Variants in DCP1A observed in about 807,000 individuals in gnomAD.
The protein encoded by DCP1A is mRNA-decapping enzyme 1A.
Under a neutral mutation model 58.0 loss-of-function variants are expected in DCP1A, and 20 were observed. That is an observed-to-expected ratio of 0.34 (90% CI 0.24 to 0.50). The LOEUF is 0.50. DCP1A is among the 20% of genes least tolerant of loss of function. The probability of loss-of-function intolerance (pLI) is 0.98; values close to 1 mark genes in which losing one functional copy is unlikely to be tolerated. For missense variants in DCP1A, 613 were observed against 712.2 expected (o/e 0.86, Z 1.59); for synonymous variants, 285 against 275.1 (o/e 1.04, Z -0.36).
rs1575623491 is a variant in DCP1A at position 53,340,325 on chromosome 3, C to CTA, written c.304+1817_304+1818dup. ...TAAATAAATCCATCTGAACTTACAG[C>CTA]TATTACAAAGCATGTCTAATATGTC... is the stretch of plus-strand genomic sequence containing the variant. On this transcript the variant is annotated intron_variant, in intron 3 of 9. Coordinates refer to ENST00000610213, the MANE Select transcript of DCP1A (RefSeq NM_018403.7). Among the ~76,000 whole-genome samples, 4 of 152,264 alleles carry CTA rather than the reference C, an allele frequency of 2.6e-5. No individual in the cohort carries two copies. In the East Asian group the frequency reaches 7.7e-4, roughly 29 times the overall value.
At chr3:53,320,783 C>A (rs1707942090) in intron 3 of DCP1A, among the ~76,000 whole-genome samples, 1 of 152,188 alleles carries the variant, frequency 6.6e-6, no homozygotes. Flanking sequence ...TCTGGCCCCT[C>A]CCGTCCCTGA....
At chr3:53,298,070 T>C (rs558405072) in intron 6 of DCP1A, among the ~76,000 whole-genome samples, 1 of 152,150 alleles carries the variant, frequency 6.6e-6, no homozygotes, top group Non-Finnish European at 1.5e-5. Context: ...ATTTAAAAAT[T>C]AGCTGCACAA....
chr3:53,332,485 T>C (rs1553691417), intron 3 of DCP1A, among the ~76,000 whole-genome samples: 1 of 152,246 alleles, frequency 6.6e-6, no homozygotes, highest in Non-Finnish European at 1.5e-5. Context: ...TTTTTATTCC[T>C]AATACTGCAT....
Position 53,315,756 on chromosome 3 carries a change from TG to T in DCP1A, c.372-3378del, listed in dbSNP as rs1220381862. Among the ~76,000 whole-genome samples, 349 of 109,254 alleles carry T rather than the reference TG, an allele frequency of 3.2e-3. 42 individuals are homozygous for T. Among genetic ancestry groups the T allele is most frequent in the African/African-American group, 7.8e-3 (198 of 25,506 alleles). The allele number at this position is 109,254 out of a possible 152,430, so 71.7% of individuals were successfully genotyped here. On this transcript the variant is annotated intron_variant, in intron 4 of 9. Transcript: ENST00000610213. The stretch of plus-strand genomic sequence containing the variant: ...AAATCAGTTTGTTGTTTTTTTTTTT[TG>T]TTTTTTTTTTTTTTGAGACGGAGTC...
chr3:53,337,855 A>C (rs2089142573), intron 3 of DCP1A, among the ~76,000 whole-genome samples: 1 of 152,248 alleles, frequency 6.6e-6, no homozygotes, highest in African/African-American at 2.4e-5. Flanking sequence ...CTAATATATT[A>C]AATTAAATAA....
chr3:53,299,956 C>T (rs889469853), intron 6 of DCP1A, among the ~76,000 whole-genome samples: 6 of 152,218 alleles, frequency 3.9e-5, no homozygotes, highest in Admixed American at 6.5e-5. Context: ...CAACCTCCCC[C>T]TCCTGGGTTC....
chr3:53,305,800 G>GT (rs1205780440), intron 5 of DCP1A, among the ~76,000 whole-genome samples: 2 of 151,594 alleles, frequency 1.3e-5, no homozygotes, highest in African/African-American at 2.4e-5. Context: ...ATTAGGTTAG[G>GT]TTTTTTTTGT....
chr3:53,315,841 C>A (rs573952750), intron 4 of DCP1A, among the ~76,000 whole-genome samples: 8 of 148,244 alleles, frequency 5.4e-5, no homozygotes, highest in Non-Finnish European at 1.0e-4. Flanking sequence ...GAAAGCTCCG[C>A]TTCCCGGGTT....
Position 53,347,446 on chromosome 3 carries a change from G to A in DCP1A, c.72C>T (p.Thr24=). 6.2e-7 allele frequency: 1 copy of A among 1,613,702 alleles called. No homozygotes were observed. The highest frequency in any genetic ancestry group is 1.3e-5 in the African/African-American group (1 of 75,040). The change falls in exon 1 of 10, where the codon ACC becomes ACT. Residue 24 remains threonine (T), a synonymous_variant. Transcript: ENST00000610213. The stretch of plus-strand genomic sequence containing the variant: ...CCTGGCCCGTGAGGTCTGCGATGCT[G>A]GTGATATAGGGGTCGTGTTGCTTCA... ...AALKQHDPYI[T]SIADLTGQVA...
At position 53,304,414 on chromosome 3, in the gene DCP1A, C is replaced by T. The variant is rs898937117; in HGVS notation, c.511-124G>A. The T allele has an allele frequency of 1.4e-4, 93 of 654,704 alleles. No individual in the cohort carries two copies. In the African/African-American group the frequency reaches 1.6e-3, roughly 11 times the overall value. The allele number at this position is 654,704 out of a possible 1,614,324, so 40.6% of individuals were successfully genotyped here. On this transcript the variant is annotated intron_variant, in intron 5 of 9. Coordinates refer to ENST00000610213, the MANE Select transcript of DCP1A (RefSeq NM_018403.7). ...TAAAAAGAAGAAGAAAAACCAACCT[C>T]AAAATGTTTGCTCTGTACTCCAATG...
chr3:53,332,772 G>A (rs1553691474), intron 3 of DCP1A, among the ~76,000 whole-genome samples: 1 of 151,974 alleles, frequency 6.6e-6, no homozygotes, highest in East Asian at 1.9e-4. Context: ...GGCTAAGGCA[G>A]GAGAATGGCG....
intron 3 of DCP1A, among the ~76,000 whole-genome samples, chr3:53,320,667 AT>A (rs1487039645): frequency 6.6e-6 from 1 of 152,184 alleles, no homozygotes; most frequent in African/African-American, 2.4e-5. Flanking sequence ...ATTTTACAAA[AT>A]TATGGTATAC....
chr3:53,327,130 T>C (rs1438717761), intron 3 of DCP1A, among the ~76,000 whole-genome samples: 1 of 152,154 alleles, frequency 6.6e-6, no homozygotes, highest in Non-Finnish European at 1.5e-5. Flanking sequence ...AAATCTATAG[T>C]TAGGGATCTG....
At chr3:53,289,640 C>G (rs1438575213) in intron 8 of DCP1A, among the ~76,000 whole-genome samples, 1 of 151,512 alleles carries the variant, frequency 6.6e-6, no homozygotes, top group African/African-American at 2.4e-5. Context: ...CAGTTATGTT[C>G]AATCTATTTT....
intron 5 of DCP1A, among the ~76,000 whole-genome samples, chr3:53,309,853 A>T (rs1228367972): frequency 6.6e-6 from 1 of 152,254 alleles, no homozygotes; most frequent in East Asian, 1.9e-4. Flanking sequence ...GCGGAGACTC[A>T]GAATCAGGAT....
Position 53,288,299 on chromosome 3 carries a change from G to A in DCP1A, c.1450-16C>T. On this transcript the variant is annotated splice_polypyrimidine_tract_variant and intron_variant, in intron 8 of 9. Coordinates refer to ENST00000610213, the MANE Select transcript of DCP1A (RefSeq NM_018403.7). ...CGCCTGCAACCTGGAGAGTGACAATGGTCATTTTGTACCGAAGTGCAGAAG... is the reference window on the plus strand; with the variant it reads ...CGCCTGCAACCTGGAGAGTGACAATAGTCATTTTGTACCGAAGTGCAGAAG... 6.3e-7 allele frequency: 1 copy of A among 1,590,070 alleles called. No individual in the cohort carries two copies.
rs1707444857 is a variant in DCP1A at position 53,305,531 on chromosome 3, G to C, written c.511-1241C>G. On this transcript the variant is annotated intron_variant, in intron 5 of 9. Transcript: ENST00000610213. The stretch of plus-strand genomic sequence containing the variant: ...CACCCAGCTAATTTTCATATTTTTA[G>C]TAGAGACGGGGTTTCACCATGTTGG... Among the ~76,000 whole-genome samples, 4 of 151,982 alleles carry C rather than the reference G, an allele frequency of 2.6e-5. No homozygotes were observed. The South Asian group carries it at 8.3e-4, about 32-fold the overall frequency.
chr3:53,302,044 GA>G (rs1199448137), intron 6 of DCP1A, among the ~76,000 whole-genome samples: 5 of 152,156 alleles, frequency 3.3e-5, no homozygotes, highest in Admixed American at 6.5e-5. Flanking sequence ...TGGGGGTGAT[GA>G]AAATATTTAG....
chr3:53,333,598 G>A (rs1371244626), intron 3 of DCP1A, among the ~76,000 whole-genome samples: 38 of 152,046 alleles, frequency 2.5e-4, no homozygotes, highest in Non-Finnish European at 1.5e-5. Context: ...GTGGCCAGGA[G>A]GTCGAGACAG....
Sources: allele counts gnomAD v4.1 joint callset (sites outside exome capture counted in the v4.1 genomes callset), GRCh38; gene constraint gnomAD v4.1.1; transcripts MANE v1.5; gene names NCBI Gene and HGNC (gene_info 2026-07-23, HGNC 2026-07-21).